Variants in RNF144A observed in about 807,000 individuals in gnomAD.
RNF144A encodes the protein ring finger protein 144A.
In RNF144A, 11 loss-of-function variants were observed where a neutral mutation model predicts 38.7. The observed-to-expected ratio is 0.28, with a 90% confidence interval of 0.18 to 0.47. The LOEUF (loss-of-function observed/expected upper bound fraction) is 0.47. RNF144A is among the 20% of genes least tolerant of loss of function. The pLI is 0.99. For synonymous variants in RNF144A, 149 were observed against 143.9 expected, an observed-to-expected ratio of 1.04 and a Z score of -0.25; for missense variants, 316 against 377.2, an observed-to-expected ratio of 0.84 and a Z score of 1.34.
chr2:7,069,607 G>T (rs1007882951), downstream of RNF144A, among the ~76,000 whole-genome samples: 1 of 151,738 alleles, frequency 6.6e-6, no homozygotes, highest in Non-Finnish European at 1.5e-5. Context: ...TTCTTATTCG[G>T]GCAGCTTAAA....
chr2:6,968,664 A>G (rs1216232839), intron 2 of RNF144A, among the ~76,000 whole-genome samples: 2 of 151,682 alleles, frequency 1.3e-5, no homozygotes, highest in Admixed American at 1.3e-4. Context: ...CTACCATATA[A>G]AATAACACCC....
chr2:6,982,615 A>G (rs1668705388), intron 2 of RNF144A, among the ~76,000 whole-genome samples: 1 of 152,214 alleles, frequency 6.6e-6, no homozygotes, highest in Admixed American at 6.5e-5. Context: ...GCCGATGTCA[A>G]GTATGTCAGA....
chr2:7,011,041 C>A (rs1670765851), intron 3 of RNF144A, among the ~76,000 whole-genome samples: 1 of 151,882 alleles, frequency 6.6e-6, no homozygotes, highest in South Asian at 2.1e-4. Flanking sequence ...ACACTATGCC[C>A]CTTTAAAGTA....
At chr2:6,988,283 C>T (rs1669083988) in intron 2 of RNF144A, among the ~76,000 whole-genome samples, 1 of 152,164 alleles carries the variant, frequency 6.6e-6, no homozygotes, top group Admixed American at 6.6e-5. Context: ...CAATATGAAG[C>T]CAGTACTGTT....
At chr2:6,940,243 C>A (rs1665880152) in intron 1 of RNF144A, among the ~76,000 whole-genome samples, 1 of 152,118 alleles carries the variant, frequency 6.6e-6, no homozygotes, top group South Asian at 2.1e-4. Flanking sequence ...TCTTTAATTT[C>A]TTTTAATGAT....
intron 1 of RNF144A, among the ~76,000 whole-genome samples, chr2:6,928,052 A>G (rs1211021587): frequency 2.0e-5 from 3 of 152,118 alleles, no homozygotes; most frequent in Non-Finnish European, 4.4e-5. Context: ...GGCACGTCCT[A>G]CATGCCTTGA....
At chr2:7,007,297 C>A (rs1277894316) in intron 3 of RNF144A, among the ~76,000 whole-genome samples, 1 of 152,206 alleles carries the variant, frequency 6.6e-6, no homozygotes, top group Non-Finnish European at 1.5e-5. Flanking sequence ...ATAGAATGAT[C>A]TTCAGTTGTC....
intron 2 of RNF144A, chr2:6,978,740 G>A (rs879187325): frequency 6.6e-6 from 1 of 152,662 alleles, no homozygotes; most frequent in Non-Finnish European, 1.5e-5. Flanking sequence ...CCTGGACCCT[G>A]TCTGTTTGGA....
In RNF144A at chr2:6,944,187, G is replaced by C. The variant is rs1208391446; in HGVS notation, c.-12+3040G>C. On this transcript the variant is annotated intron_variant, in intron 2 of 8. Coordinates refer to ENST00000320892, the MANE Select transcript of RNF144A (RefSeq NM_014746.6). This position sits in a 1 kb window ranked among gnomAD's most constrained non-coding sequence, Gnocchi z 4.7. ...AGAGGAGGAGCCATTGGAGATGCGG[G>C]AGGAGGCCGGGCACTATGGGCCTGG... Among the ~76,000 whole-genome samples, 1 of 152,150 alleles carries C rather than the reference G, an allele frequency of 6.6e-6. No individual in the cohort carries two copies. The highest frequency in any genetic ancestry group is 6.5e-5 in the Admixed American group (1 of 15,288).
At chr2:6,989,183 C>T (rs79583988) in intron 2 of RNF144A, among the ~76,000 whole-genome samples, 2,000 of 152,292 alleles carry the variant, frequency 0.013, 50 homozygotes, top group African/African-American at 0.046. Flanking sequence ...GTACACTAAC[C>T]GGTGTGTGCA....
At chr2:6,959,095 G>C (rs2103326421) in intron 2 of RNF144A, among the ~76,000 whole-genome samples, 1 of 152,272 alleles carries the variant, frequency 6.6e-6, no homozygotes, top group Admixed American at 6.5e-5. Flanking sequence ...AACTCCCTCA[G>C]TGAGAGGACA....
intron 3 of RNF144A, among the ~76,000 whole-genome samples, chr2:6,999,331 C>T (rs899050975): frequency 5.3e-5 from 8 of 152,158 alleles, no homozygotes; most frequent in Admixed American, 2.0e-4. Flanking sequence ...GTGCCCTGGT[C>T]GCTTTGGTGG....
chr2:7,074,543 A>G, the RNF144A span: 1 of 152,240 alleles, frequency 6.6e-6, no homozygotes, highest in Admixed American at 6.5e-5. Context: ...TAGTTGTCTT[A>G]AATATTTTCC....
chr2:6,986,088 G>T (rs1339025195), intron 2 of RNF144A, among the ~76,000 whole-genome samples: 1 of 152,128 alleles, frequency 6.6e-6, no homozygotes, highest in East Asian at 1.9e-4. Flanking sequence ...AAGGAATGAA[G>T]GCTGCACAGG....
Position 6,944,776 on chromosome 2 carries a change from T to G in RNF144A, c.-12+3629T>G, listed in dbSNP as rs1489729113. ...ACGCCCACCTCCCAGGACGCTGTGT[T>G]TGGGAATCTGTCTCAAACAAATTCC... On this transcript the variant is annotated intron_variant, in intron 2 of 8. Transcript: ENST00000320892. This position sits in a 1 kb window ranked among gnomAD's most constrained non-coding sequence, Gnocchi z 4.7. Among the ~76,000 whole-genome samples, 2 of 152,166 alleles carry G rather than the reference T, an allele frequency of 1.3e-5. No individual in the cohort carries two copies. The highest frequency in any genetic ancestry group is 2.9e-5 in the Non-Finnish European group (2 of 68,028).
At chr2:7,030,849 G>T (rs1249386399) in intron 8 of RNF144A, among the ~76,000 whole-genome samples, 1 of 151,958 alleles carries the variant, frequency 6.6e-6, no homozygotes, top group African/African-American at 2.4e-5. Flanking sequence ...CCCTGAGCTT[G>T]TTTTCCTGCA....
At chr2:6,939,395 G>C (rs1349781753) in intron 1 of RNF144A, among the ~76,000 whole-genome samples, 6 of 152,196 alleles carry the variant, frequency 3.9e-5, no homozygotes, top group Non-Finnish European at 7.3e-5. Context: ...TTGGAGAAAT[G>C]TCTATTTAAA....
rs1313519338 is a variant in RNF144A at position 7,042,536 on chromosome 2, G to T, written c.*2776G>T. 21 of 985,400 alleles carry T rather than the reference G, an allele frequency of 2.1e-5. No homozygotes were observed. Among genetic ancestry groups the T allele is most frequent in the Non-Finnish European group, 2.4e-5 (20 of 829,972 alleles). 61.0% of individuals were successfully genotyped at this position (985,400 alleles called of 1,614,324 possible). A position where few individuals can be genotyped will look rare whatever the true frequency, so the allele number is the denominator to read the frequency against. The stretch of plus-strand genomic sequence containing the variant: ...TACTGCCGCCCAGGGTGGGTGGCCA[G>T]TGAGGACTGGCCTTAGCCCAGTGGA... On this transcript the variant is annotated 3_prime_UTR_variant, in exon 9 of 9. Coordinates refer to ENST00000320892, the MANE Select transcript of RNF144A (RefSeq NM_014746.6).
chr2:7,061,493 T>A (rs1216508030), intron 6 of RNF144A, among the ~76,000 whole-genome samples: 1 of 152,180 alleles, frequency 6.6e-6, no homozygotes, highest in Non-Finnish European at 1.5e-5. Flanking sequence ...TTTTTTTAAT[T>A]CCAAGATGAG....
Sources: gnomAD v4.1 joint callset for allele counts (sites outside exome capture counted in the v4.1 genomes callset) on GRCh38, gnomAD v4.1.1 for gene constraint, Gnocchi (gnomAD v3.1) non-coding constraint, MANE v1.5 for transcripts, NCBI Gene and HGNC (gene_info 2026-07-23, HGNC 2026-07-21) for gene names.